Variants in F13A1 observed in about 807,000 individuals in gnomAD.
F13A1 encodes FSF, A subunit.
A neutral mutation model predicts 80.1 loss-of-function variants in F13A1; 47 were observed. The ratio of observed to expected loss-of-function variants is 0.59; its 90% CI spans 0.46 to 0.75. The LOEUF (loss-of-function observed/expected upper bound fraction) is 0.75, where lower values mean the gene tolerates loss of function less well. Ranked by LOEUF, F13A1 falls within the 30% of genes least tolerant of loss-of-function variation. The probability of loss-of-function intolerance (pLI) is 0.00; values close to 1 mark genes in which losing one functional copy is unlikely to be tolerated. For synonymous variants in F13A1, 349 were observed against 344.9 expected, an observed-to-expected ratio of 1.01 and a Z score of -0.13; for missense variants, 817 against 930.4, an observed-to-expected ratio of 0.88 and a Z score of 1.59.
intron 8 of F13A1, among the ~76,000 whole-genome samples, chr6:6,212,111 C>T (rs553153003): frequency 5.9e-4 from 90 of 152,356 alleles, no homozygotes; most frequent in African/African-American, 1.8e-3. Context: ...GAGGGGCGCC[C>T]GCCATTGCCC....
intron 6 of F13A1, among the ~76,000 whole-genome samples, chr6:6,230,607 A>AAGC (rs765965078): frequency 8.5e-5 from 13 of 152,132 alleles, no homozygotes; most frequent in Non-Finnish European, 1.5e-4. Context: ...GCTCTCTGGA[A>AAGC]AGCACCACCT....
At chr6:6,204,825 A>G (rs957257174) in intron 8 of F13A1, among the ~76,000 whole-genome samples, 3 of 152,218 alleles carry the variant, frequency 2.0e-5, no homozygotes, top group African/African-American at 7.2e-5. Context: ...GAATACAGCT[A>G]TTCATTGTTT....
chr6:6,256,275 G>A (rs1231947587), intron 4 of F13A1, among the ~76,000 whole-genome samples: 1 of 152,144 alleles, frequency 6.6e-6, no homozygotes, highest in Non-Finnish European at 1.5e-5. Flanking sequence ...ATACTTAACT[G>A]AGGACTGAGG....
At chr6:6,295,014 G>C (rs1397421618) in intron 3 of F13A1, among the ~76,000 whole-genome samples, 1 of 146,204 alleles carries the variant, frequency 6.8e-6, no homozygotes, top group East Asian at 2.0e-4. Flanking sequence ...TTGTTCTTGC[G>C]ATAGTTTACT....
intron 3 of F13A1, among the ~76,000 whole-genome samples, chr6:6,293,159 A>T (rs1758248352): frequency 6.6e-6 from 1 of 151,964 alleles, no homozygotes. Context: ...CTGTGGTTGA[A>T]CTCCAGGGAG....
intron 3 of F13A1, among the ~76,000 whole-genome samples, chr6:6,294,372 GC>G (rs1758283206): frequency 6.6e-6 from 1 of 152,134 alleles, no homozygotes; most frequent in African/African-American, 2.4e-5. Flanking sequence ...GATGCTTCCT[GC>G]CTTTGAACAT....
At chr6:6,182,215 G>T in intron 10 of F13A1, 74 bp from the exon 11 acceptor site, 1 of 1,537,148 alleles carries the variant, frequency 6.5e-7, no homozygotes, top group Non-Finnish European at 8.9e-7. Context: ...TGTCCATAGA[G>T]CAGTCGTCTA....
chr6:6,232,992 G>GA (rs982403047), intron 6 of F13A1, among the ~76,000 whole-genome samples: 4 of 151,816 alleles, frequency 2.6e-5, no homozygotes, highest in Admixed American at 1.3e-4. Flanking sequence ...AAGGCCTACA[G>GA]AAAAAAGACC....
intron 11 of F13A1, among the ~76,000 whole-genome samples, chr6:6,176,971 A>G (rs1760892347): frequency 6.6e-6 from 1 of 152,168 alleles, no homozygotes; most frequent in South Asian, 2.1e-4. Flanking sequence ...GCCAAACAGA[A>G]GCAGGCTGGG....
intron 10 of F13A1, among the ~76,000 whole-genome samples, chr6:6,184,762 G>A (rs1289432913): frequency 1.3e-5 from 2 of 152,142 alleles, no homozygotes; most frequent in African/African-American, 4.8e-5. Flanking sequence ...CTTGAATATG[G>A]CTTCAGAAAT....
intron 8 of F13A1, among the ~76,000 whole-genome samples, chr6:6,214,509 C>T (rs1284807322): frequency 9.5e-6 from 1 of 105,024 alleles, no homozygotes; most frequent in Non-Finnish European, 2.1e-5. Context: ...ATACCAGAAT[C>T]TCAGGGACGC....
rs774635173 is a variant in F13A1 at position 6,197,206 on chromosome 6, G to A, written c.1216+17C>T. 3 of 1,610,844 alleles carry A rather than the reference G, an allele frequency of 1.9e-6. No individual in the cohort carries two copies. The highest frequency in any genetic ancestry group is 2.5e-6 in the Non-Finnish European group (3 of 1,177,182). Reference sequence around the variant, plus strand: ...TCAGCAATGAAGCAAGTTCCCAGAGGGAGGACACAGTTTTACCATCGCTAT... The same window carrying A: ...TCAGCAATGAAGCAAGTTCCCAGAGAGAGGACACAGTTTTACCATCGCTAT... On this transcript the variant is annotated intron_variant, in intron 9 of 14. Transcript: ENST00000264870.
Position 6,162,656 on chromosome 6 carries a change from T to A in F13A1, c.1908+4802A>T, listed in dbSNP as rs945921119. Among the ~76,000 whole-genome samples the A allele has an allele frequency of 2.6e-5, 4 of 152,108 alleles. No homozygotes were observed. Among genetic ancestry groups the A allele is most frequent in the Non-Finnish European group, 1.5e-5 (1 of 68,026 alleles). The stretch of plus-strand genomic sequence containing the variant: ...TACTAATAAACAGCAATAATGGCAA[T>A]AATAGCAGCAACCAACATATGTAGG... On this transcript the variant is annotated intron_variant, in intron 13 of 14. Coordinates refer to ENST00000264870, the MANE Select transcript of F13A1 (RefSeq NM_000129.4). The surrounding 1 kb of genome is among the most constrained non-coding windows in gnomAD (Gnocchi z 4.2).
chr6:6,313,672 AC>A (rs1758638933), intron 2 of F13A1, among the ~76,000 whole-genome samples: 1 of 71,646 alleles, frequency 1.4e-5, no homozygotes, highest in Non-Finnish European at 2.6e-5. Flanking sequence ...TCCATGAGAA[AC>A]TGATTTATTT....
intron 11 of F13A1, among the ~76,000 whole-genome samples, chr6:6,176,542 A>AGT (rs533003794): frequency 9.9e-5 from 15 of 152,160 alleles, no homozygotes; most frequent in Non-Finnish European, 2.1e-4. Context: ...GTGAATGTGT[A>AGT]GTGTGTGTGT....
chr6:6,226,458 T>C (rs1757277132), intron 6 of F13A1, among the ~76,000 whole-genome samples: 1 of 152,224 alleles, frequency 6.6e-6, no homozygotes, highest in South Asian at 2.1e-4. Context: ...GTAAGCAATG[T>C]GAAACATATG....
intron 10 of F13A1, among the ~76,000 whole-genome samples, chr6:6,191,011 C>CT (rs1761184674): frequency 6.6e-6 from 1 of 152,268 alleles, no homozygotes; most frequent in Non-Finnish European, 1.5e-5. Flanking sequence ...TCACCCCTTT[C>CT]TTTGACTAGG....
intron 4 of F13A1, among the ~76,000 whole-genome samples, chr6:6,262,288 A>C (rs1265715526): frequency 6.6e-6 from 1 of 152,152 alleles, no homozygotes; most frequent in African/African-American, 2.4e-5. Context: ...TGGTGACCAC[A>C]GAGTGCATCC....
At chr6:6,259,258 G>A (rs1315777491) in intron 4 of F13A1, among the ~76,000 whole-genome samples, 1 of 152,174 alleles carries the variant, frequency 6.6e-6, no homozygotes, top group Non-Finnish European at 1.5e-5. Context: ...AGGAATGTGG[G>A]TCATTGTTAC....
Sources: gnomAD v4.1 joint callset for allele counts (sites outside exome capture counted in the v4.1 genomes callset) on GRCh38, gnomAD v4.1.1 for gene constraint, Gnocchi (gnomAD v3.1) non-coding constraint, MANE v1.5 for transcripts, NCBI Gene and HGNC (gene_info 2026-07-23, HGNC 2026-07-21) for gene names.